Variants in DNAH6 observed in about 807,000 individuals in gnomAD.
DNAH6 encodes axonemal beta dynein heavy chain 6.
DNAH6 carries 340 observed loss-of-function variants against 491.4 expected under a neutral mutation model. The ratio of observed to expected loss-of-function variants is 0.69; its 90% CI spans 0.63 to 0.76. The LOEUF (loss-of-function observed/expected upper bound fraction) is 0.76. Among genes scored for constraint, DNAH6 ranks in the 30% least tolerant of loss-of-function variants. The probability of loss-of-function intolerance (pLI) is 0.00; values close to 1 mark genes in which losing one functional copy is unlikely to be tolerated. For synonymous variants in DNAH6, 1,603 were observed against 1,686.1 expected, an observed-to-expected ratio of 0.95 and a Z score of 1.21; for missense variants, 4,443 against 4,972.2, an observed-to-expected ratio of 0.89 and a Z score of 3.20.
rs554794210 is a variant in DNAH6 at position 84,544,194 on chromosome 2, ATACTT to A, written c.663-36_663-32del. On this transcript the variant is annotated intron_variant, in intron 4 of 76. Coordinates refer to ENST00000389394, the MANE Select transcript of DNAH6 (RefSeq NM_001370.2). ...ATGCAATTGCTTCATTTTGTATTGA[ATACTT>A]TATTTATTAGTCCCAATTTTTATTT... 428 of 1,102,218 alleles carry A rather than the reference ATACTT, an allele frequency of 3.9e-4. 1 individual carries two copies. Among genetic ancestry groups the A allele is most frequent in the Admixed American group, 1.4e-3 (49 of 35,662 alleles). 68.3% of individuals were successfully genotyped at this position (1,102,218 alleles called of 1,614,324 possible). A position where few individuals can be genotyped will look rare whatever the true frequency, so the allele number is the denominator to read the frequency against.
intron 37 of DNAH6, among the ~76,000 whole-genome samples, chr2:84,662,643 G>A (rs971182694): frequency 7.9e-5 from 12 of 152,174 alleles, no homozygotes; most frequent in African/African-American, 2.9e-4. Context: ...GCTCAAGGAG[G>A]CCTACCTGCC....
intron 33 of DNAH6, among the ~76,000 whole-genome samples, chr2:84,647,487 T>G (rs1267266726): frequency 6.6e-6 from 1 of 152,158 alleles, no homozygotes; most frequent in Non-Finnish European, 1.5e-5. Flanking sequence ...CTGACTCTAG[T>G]TAGGGGCTAA....
chr2:84,725,233 A>G (rs1356223958), intron 60 of DNAH6, among the ~76,000 whole-genome samples: 1 of 152,084 alleles, frequency 6.6e-6, no homozygotes, highest in African/African-American at 2.4e-5. Flanking sequence ...TGACAGCTTG[A>G]TTTTTCCTCT....
At chr2:84,577,011 A>G (rs1342315567) in intron 12 of DNAH6, among the ~76,000 whole-genome samples, 1 of 152,216 alleles carries the variant, frequency 6.6e-6, no homozygotes, top group Non-Finnish European at 1.5e-5. Flanking sequence ...TTCATCTGTC[A>G]TCTCTTCATA....
chr2:84,582,572 C>G (rs979700262), intron 14 of DNAH6, among the ~76,000 whole-genome samples: 1 of 152,210 alleles, frequency 6.6e-6, no homozygotes, highest in African/African-American at 2.4e-5. Context: ...CTGCCTCAGC[C>G]TCCTGAGTAG....
intron 40 of DNAH6, among the ~76,000 whole-genome samples, chr2:84,673,271 C>T (rs1328307667): frequency 2.4e-5 from 2 of 84,820 alleles, no homozygotes; most frequent in African/African-American, 5.8e-5. Flanking sequence ...GCCGTGGGCC[C>T]ATGAGGAGGA....
chr2:84,497,351 T>C, the DNAH6 span, among the ~76,000 whole-genome samples: 1 of 152,248 alleles, frequency 6.6e-6, no homozygotes, highest in South Asian at 2.1e-4. Context: ...TTGTTGTATG[T>C]ATCAACAGAT....
chr2:84,647,531 C>A (rs1178876775), intron 33 of DNAH6, among the ~76,000 whole-genome samples: 4 of 152,164 alleles, frequency 2.6e-5, no homozygotes, highest in African/African-American at 9.7e-5. Context: ...AGCCAGTGCT[C>A]ATTTACCACT....
chr2:84,549,988 A>G lies in DNAH6; in HGVS notation c.1416A>G (p.Lys472=), dbSNP rs376201549. The G allele has an allele frequency of 6.2e-6, 10 of 1,613,994 alleles. No homozygotes were observed. The highest frequency in any genetic ancestry group is 8.5e-6 in the Non-Finnish European group (10 of 1,179,994). The change falls in exon 9 of 77, where the codon AAA becomes AAG. Residue 472 remains lysine, a synonymous_variant. Coordinates refer to ENST00000389394, the MANE Select transcript of DNAH6 (RefSeq NM_001370.2). ...TGAACCATCTCACTGACAAGCTAAA[A>G]CGAACACCTTCAGCAGATGTCATTC... ...SLLNHLTDKL[K]RTPSADVIQK...
chr2:84,515,810 G>T (rs1321525540), upstream of DNAH6, among the ~76,000 whole-genome samples: 1 of 152,178 alleles, frequency 6.6e-6, no homozygotes, highest in East Asian at 1.9e-4. Flanking sequence ...AGTCACTTGG[G>T]AACTTAAGTG....
At chr2:84,513,674 T>G (rs998716733), upstream of DNAH6, among the ~76,000 whole-genome samples, 1 of 152,140 alleles carries the variant, frequency 6.6e-6, no homozygotes, top group Non-Finnish European at 1.5e-5. Context: ...TTTTTTTTAA[T>G]TGTAAATTTA....
chr2:84,734,539 A>G (rs1699384216), intron 62 of DNAH6, among the ~76,000 whole-genome samples: 1 of 152,212 alleles, frequency 6.6e-6, no homozygotes, highest in Non-Finnish European at 1.5e-5. Context: ...GGAATTATAT[A>G]CACTTCTTTT....
chr2:84,763,660 T>G (rs1040660928), intron 64 of DNAH6, among the ~76,000 whole-genome samples: 3 of 151,988 alleles, frequency 2.0e-5, no homozygotes, highest in African/African-American at 7.2e-5. Context: ...TTTCTTCATT[T>G]GGAGTTCATG....
intron 70 of DNAH6, among the ~76,000 whole-genome samples, chr2:84,803,091 T>G (rs932935097): frequency 2.6e-5 from 4 of 152,180 alleles, no homozygotes; most frequent in African/African-American, 7.2e-5. Flanking sequence ...TAAAGCTAAC[T>G]GCCTACATCA....
chr2:84,741,086 G>A (rs1672484220), intron 62 of DNAH6, among the ~76,000 whole-genome samples: 1 of 152,206 alleles, frequency 6.6e-6, no homozygotes, highest in Non-Finnish European at 1.5e-5. Context: ...GAAGCTGTGA[G>A]GAGTGTGGTC....
chr2:84,707,072 TAGGA>T, intron 53 of DNAH6, 53 bp downstream of exon 53: 3 of 1,477,788 alleles, frequency 2.0e-6, no homozygotes, highest in South Asian at 2.8e-5. Context: ...TTTTCAGAAG[TAGGA>T]AGAAGTTTTT....
At chr2:84,749,852 C>T (rs1205999804) in intron 63 of DNAH6, among the ~76,000 whole-genome samples, 2 of 152,168 alleles carry the variant, frequency 1.3e-5, no homozygotes, top group Non-Finnish European at 2.9e-5. Flanking sequence ...TTTTGCAAGT[C>T]ATACAATCTG....
chr2:84,605,212 G>T (rs1372092017), intron 19 of DNAH6, among the ~76,000 whole-genome samples: 1 of 150,426 alleles, frequency 6.6e-6, no homozygotes, highest in Admixed American at 6.6e-5. Flanking sequence ...AATTAGCCAG[G>T]CGTGGTGGCA....
intron 24 of DNAH6, 47 bp from the exon 25 acceptor site, chr2:84,621,144 A>G (rs1404634957): frequency 6.5e-7 from 1 of 1,540,360 alleles, no homozygotes; most frequent in Non-Finnish European, 8.8e-7. Flanking sequence ...CATACAGCTT[A>G]CAAGTCCCAC....
Sources: allele counts gnomAD v4.1 joint callset (sites outside exome capture counted in the v4.1 genomes callset), GRCh38; gene constraint gnomAD v4.1.1; transcripts MANE v1.5; gene names NCBI Gene and HGNC (gene_info 2026-07-23, HGNC 2026-07-21).